MBD5: variants seen among roughly 807,000 people sequenced by gnomAD.
The protein encoded by MBD5 is methyl-CpG-binding domain protein 5.
MBD5 carries 13 observed loss-of-function variants against 117.3 expected under a neutral mutation model. That is an observed-to-expected ratio of 0.11 (90% CI 0.07 to 0.18). The LOEUF is 0.18. Ranked by LOEUF, MBD5 falls within the 10% of genes least tolerant of loss-of-function variation. The pLI is 1.00. For missense variants in MBD5, 1,879 were observed against 2,093.8 expected, an observed-to-expected ratio of 0.90 and a Z score of 2.00; for synonymous variants, 727 against 766.4, an observed-to-expected ratio of 0.95 and a Z score of 0.85.
At chr2:148,328,129 G>C (rs182473440) in intron 3 of MBD5, among the ~76,000 whole-genome samples, 226 of 152,308 alleles carry the variant, frequency 1.5e-3, no homozygotes, top group African/African-American at 5.1e-3. Context: ...CCCTGCTGGG[G>C]GGTGCCTCCT....
At chr2:148,084,739 A>T (rs1379756843) in intron 1 of MBD5, among the ~76,000 whole-genome samples, 1 of 152,186 alleles carries the variant, frequency 6.6e-6, no homozygotes, top group Non-Finnish European at 1.5e-5. Context: ...GGAACCAGCC[A>T]TTATGTAAAT....
At chr2:148,059,697 A>G (rs1436217352) in intron 1 of MBD5, among the ~76,000 whole-genome samples, 2 of 152,010 alleles carry the variant, frequency 1.3e-5, no homozygotes. Context: ...AATACAAAAA[A>G]TTAGCCGGGC....
At chr2:148,426,348 A>G (rs1408033298) in intron 4 of MBD5, among the ~76,000 whole-genome samples, 1 of 152,166 alleles carries the variant, frequency 6.6e-6, no homozygotes, top group Non-Finnish European at 1.5e-5. Flanking sequence ...CGCAAAGTCA[A>G]TCCTAAGCCA....
At chr2:148,331,743 CAGTT>C (rs1326182851) in intron 3 of MBD5, among the ~76,000 whole-genome samples, 2 of 151,742 alleles carry the variant, frequency 1.3e-5, no homozygotes, top group African/African-American at 4.8e-5. Context: ...TGTTTTAACA[CAGTT>C]AGGATAAGTT....
intron 4 of MBD5, among the ~76,000 whole-genome samples, chr2:148,411,546 C>T (rs1252695238): frequency 3.1e-5 from 4 of 128,738 alleles, no homozygotes; most frequent in Admixed American, 8.3e-5. Flanking sequence ...TAGTAATTGC[C>T]ATTCTGACTG....
At chr2:148,280,229 A>G (rs959450615) in intron 3 of MBD5, among the ~76,000 whole-genome samples, 2 of 152,018 alleles carry the variant, frequency 1.3e-5, no homozygotes, top group East Asian at 3.9e-4. Context: ...CACAGAGTCT[A>G]AAATTGCTTA....
At chr2:148,328,750 C>G (rs1470841955) in intron 3 of MBD5, among the ~76,000 whole-genome samples, 1 of 152,210 alleles carries the variant, frequency 6.6e-6, no homozygotes, top group African/African-American at 2.4e-5. Flanking sequence ...CTGGCACTCC[C>G]TAGTGAGATG....
chr2:148,387,479 AAAATC>A (rs1314754525), intron 4 of MBD5, among the ~76,000 whole-genome samples: 4 of 152,184 alleles, frequency 2.6e-5, no homozygotes, highest in African/African-American at 4.8e-5. Flanking sequence ...CATTTACTTT[AAAATC>A]AGAGCAATAC....
chr2:148,302,416 A>G (rs1701793127), intron 3 of MBD5, among the ~76,000 whole-genome samples: 1 of 152,172 alleles, frequency 6.6e-6, no homozygotes. Context: ...CTTTAAAGCT[A>G]CCTAAGACAC....
At chr2:148,409,187 C>A (rs1389786410) in intron 4 of MBD5, among the ~76,000 whole-genome samples, 3 of 151,776 alleles carry the variant, frequency 2.0e-5, no homozygotes, top group East Asian at 1.9e-4. Flanking sequence ...ATATTTGACA[C>A]CAATCTGGAC....
intron 3 of MBD5, among the ~76,000 whole-genome samples, chr2:148,274,539 C>G (rs1701057056): frequency 6.6e-6 from 1 of 152,094 alleles, no homozygotes; most frequent in African/African-American, 2.4e-5. Context: ...GTTGCTAATA[C>G]TCCTTCACAG....
chr2:148,092,926 CTT>C (rs371184019), intron 1 of MBD5, among the ~76,000 whole-genome samples: 1 of 146,520 alleles, frequency 6.8e-6, no homozygotes, highest in African/African-American at 2.5e-5. Flanking sequence ...CTATCATGAC[CTT>C]TTTTTTTTTG....
chr2:148,083,915 T>C (rs756187026), intron 1 of MBD5, among the ~76,000 whole-genome samples: 5 of 152,186 alleles, frequency 3.3e-5, no homozygotes, highest in Non-Finnish European at 7.4e-5. Context: ...CATGAGCCAC[T>C]GCACCTGGCT....
chr2:148,326,334 C>T (rs1391902043), intron 3 of MBD5, among the ~76,000 whole-genome samples: 67 of 152,052 alleles, frequency 4.4e-4, no homozygotes, highest in African/African-American at 1.4e-3. Context: ...TGGAGAGTTC[C>T]GTAGATGTCT....
intron 4 of MBD5, among the ~76,000 whole-genome samples, chr2:148,455,770 A>T (rs1437218948): frequency 6.6e-6 from 1 of 151,662 alleles, no homozygotes; most frequent in Non-Finnish European, 1.5e-5. Flanking sequence ...AAAAAAAAAA[A>T]GGTATCAAAT....
At chr2:148,295,172 A>G (rs762434198) in intron 3 of MBD5, among the ~76,000 whole-genome samples, 1 of 152,070 alleles carries the variant, frequency 6.6e-6, no homozygotes, top group Non-Finnish European at 1.5e-5. Context: ...TACCCCTCTT[A>G]TGCATATGCT....
At chr2:148,436,415 CAGGCTGGAATGCAGCGATGTGA>C (rs1204550203) in intron 4 of MBD5, among the ~76,000 whole-genome samples, 1 of 152,070 alleles carries the variant, frequency 6.6e-6, no homozygotes, top group Non-Finnish European at 1.5e-5. Flanking sequence ...CTCTGTTGCC[CAGGCTGGAATGCAGCGATGTGA>C]TCTTGGTTCA....
At chr2:148,021,075 AC>A (rs1019754623), upstream of MBD5, 5 of 143,180 alleles carry the variant, frequency 3.5e-5, no homozygotes, top group East Asian at 2.2e-4. Flanking sequence ...TTCTACCCGA[AC>A]CCCCCCTCCC....
intron 3 of MBD5, chr2:148,296,488 G>A (rs372155586): frequency 1.3e-4 from 20 of 157,542 alleles, no homozygotes; most frequent in East Asian, 5.7e-4. Flanking sequence ...AAAATAAAGC[G>A]CATGAAGAAC....
Sources: gnomAD v4.1 joint callset for allele counts (sites outside exome capture counted in the v4.1 genomes callset) on GRCh38, gnomAD v4.1.1 for gene constraint, MANE v1.5 for transcripts, NCBI Gene and HGNC (gene_info 2026-07-23, HGNC 2026-07-21) for gene names.